Variants in ARHGEF28 observed in about 807,000 individuals in gnomAD.
ARHGEF28 encodes 190 kDa guanine nucleotide exchange factor.
ARHGEF28 carries 152 observed loss-of-function variants against 206.6 expected under a neutral mutation model. That is an observed-to-expected ratio of 0.74 (90% CI 0.64 to 0.84). ARHGEF28 has a LOEUF of 0.84. Ranked by LOEUF, ARHGEF28 falls within the 40% of genes least tolerant of loss-of-function variation. The pLI is 0.00. For missense variants in ARHGEF28, 2,028 were observed against 2,073.2 expected, an observed-to-expected ratio of 0.98 and a Z score of 0.42; for synonymous variants, 763 against 776.4, an observed-to-expected ratio of 0.98 and a Z score of 0.29.
intron 22 of ARHGEF28, among the ~76,000 whole-genome samples, chr5:73,881,073 C>G (rs1271766754): frequency 6.7e-6 from 1 of 149,994 alleles, no homozygotes; most frequent in Non-Finnish European, 1.5e-5. Context: ...TCCAATTGCT[C>G]CAGTGCCATT....
At chr5:73,752,862 C>A in intron 3 of ARHGEF28, 47 bp from the exon 4 acceptor site, 1 of 1,602,450 alleles carries the variant, frequency 6.2e-7, no homozygotes, top group South Asian at 1.1e-5. Flanking sequence ...CCTGTGAGAG[C>A]ATCTCCTACA....
chr5:73,641,865 C>T (rs1343235854), intron 1 of ARHGEF28, among the ~76,000 whole-genome samples: 1 of 152,132 alleles, frequency 6.6e-6, no homozygotes, highest in Non-Finnish European at 1.5e-5. Context: ...AGGATGATGG[C>T]CATTTATCGA....
At chr5:73,770,789 C>G (rs1403666779) in intron 4 of ARHGEF28, among the ~76,000 whole-genome samples, 1 of 152,244 alleles carries the variant, frequency 6.6e-6, no homozygotes, top group Non-Finnish European at 1.5e-5. Flanking sequence ...AGAAGATTCT[C>G]TCTTCCCCTG....
intron 4 of ARHGEF28, among the ~76,000 whole-genome samples, chr5:73,755,095 G>A (rs370466731): frequency 1.8e-4 from 27 of 151,416 alleles, no homozygotes; most frequent in East Asian, 1.4e-3. Flanking sequence ...ATACTTGATC[G>A]TCTGGAGATA....
At chr5:73,829,476 T>A (rs1757156014) in intron 9 of ARHGEF28, among the ~76,000 whole-genome samples, 1 of 151,978 alleles carries the variant, frequency 6.6e-6, no homozygotes, top group Non-Finnish European at 1.5e-5. Flanking sequence ...CATCTCTGGG[T>A]TCAAGCAATT....
chr5:73,937,781 G>A (rs1175337911), intron 35 of ARHGEF28, among the ~76,000 whole-genome samples: 1 of 152,032 alleles, frequency 6.6e-6, no homozygotes, highest in African/African-American at 2.4e-5. Context: ...TCAGTTTAGG[G>A]TTCTATATGA....
chr5:73,831,714 G>T (rs1561438344), intron 9 of ARHGEF28, among the ~76,000 whole-genome samples: 2 of 152,198 alleles, frequency 1.3e-5, no homozygotes, highest in Non-Finnish European at 2.9e-5. Flanking sequence ...GTTTTGAGAC[G>T]GAGTTTCACT....
chr5:73,894,645 A>C (rs1429209487), intron 29 of ARHGEF28, 70 bp downstream of exon 29: 2 of 1,526,438 alleles, frequency 1.3e-6, no homozygotes, highest in African/African-American at 2.7e-5. Flanking sequence ...GCTAAGTGCC[A>C]TGCACTGTGG....
intron 35 of ARHGEF28, among the ~76,000 whole-genome samples, chr5:73,914,831 C>T (rs531466129): frequency 1.3e-5 from 2 of 151,432 alleles, no homozygotes; most frequent in East Asian, 2.0e-4. Context: ...GCTCCATCCA[C>T]CTCCTGGACT....
intron 9 of ARHGEF28, among the ~76,000 whole-genome samples, chr5:73,823,077 CT>C (rs146671259): frequency 0.13 from 19,648 of 152,154 alleles, 1,324 homozygotes; most frequent in East Asian, 0.2. Flanking sequence ...TATGCAGCAG[CT>C]GGGCTTTGCT....
chr5:73,807,597 G>A (rs1755589444), intron 9 of ARHGEF28, among the ~76,000 whole-genome samples: 1 of 151,272 alleles, frequency 6.6e-6, no homozygotes, highest in Admixed American at 6.6e-5. Flanking sequence ...TGATTCTCCT[G>A]CCTCAGCCTC....
Position 73,810,301 on chromosome 5 carries a change from C to T in ARHGEF28, c.1024+14910C>T, listed in dbSNP as rs148697638. 4.2e-3 allele frequency among the ~76,000 whole-genome samples: 645 copies of T among 152,306 alleles called. 6 individuals are homozygous for T. Among genetic ancestry groups the T allele is most frequent in the African/African-American group, 0.014 (578 of 41,556 alleles). ...TCACATATGTCAGTTGGGTGTCTCA[C>T]ATGTATTGGTTAGGTCGTTCAATAC... On this transcript the variant is annotated intron_variant, in intron 9 of 35. Transcript: ENST00000513042.
At chr5:73,809,934 A>G (rs988502726) in intron 9 of ARHGEF28, among the ~76,000 whole-genome samples, 3 of 152,236 alleles carry the variant, frequency 2.0e-5, no homozygotes, top group Non-Finnish European at 2.9e-5. Context: ...TCAGCCAGTA[A>G]CAGTCACCTG....
chr5:73,752,803 G>A lies in ARHGEF28; in HGVS notation c.182-106G>A, dbSNP rs527651539. The A allele has an allele frequency of 6.2e-5, 81 of 1,296,166 alleles. No homozygotes were observed. The African/African-American group carries it at 1.0e-3, about 16-fold the overall frequency. 80.3% of individuals were successfully genotyped at this position (1,296,166 alleles called of 1,614,324 possible). Reference sequence around the variant, plus strand: ...GCTTTCCTTTCTGCTTTGTTCTCCTGGAGCGTGTTGTCTGCTTAAGCTATG... The same window carrying A: ...GCTTTCCTTTCTGCTTTGTTCTCCTAGAGCGTGTTGTCTGCTTAAGCTATG... On this transcript the variant is annotated intron_variant, in intron 3 of 35. Coordinates refer to ENST00000513042, the MANE Select transcript of ARHGEF28 (RefSeq NM_001177693.2).
intron 1 of ARHGEF28, chr5:73,627,161 C>G (rs564697290): frequency 1.3e-5 from 2 of 152,414 alleles, no homozygotes; most frequent in South Asian, 2.1e-4. Flanking sequence ...GGCCGAGGAA[C>G]AGTGGCAACA....
intron 10 of ARHGEF28, among the ~76,000 whole-genome samples, chr5:73,834,108 T>C (rs1363321515): frequency 6.6e-6 from 1 of 152,228 alleles, no homozygotes; most frequent in Non-Finnish European, 1.5e-5. Context: ...GAATACAATG[T>C]AATGTTTTGA....
At chr5:73,928,196 C>T (rs757794207) in intron 35 of ARHGEF28, among the ~76,000 whole-genome samples, 9 of 152,154 alleles carry the variant, frequency 5.9e-5, no homozygotes, top group Non-Finnish European at 1.3e-4. Flanking sequence ...AGGCCAGCAG[C>T]TCATTTGAGG....
chr5:73,830,836 C>CA (rs1193897879), intron 9 of ARHGEF28, among the ~76,000 whole-genome samples: 2 of 152,132 alleles, frequency 1.3e-5, no homozygotes, highest in Non-Finnish European at 2.9e-5. Flanking sequence ...GATTCACCCC[C>CA]ATGGGCTTAT....
At chr5:73,782,660 G>A (rs889964053) in intron 7 of ARHGEF28, among the ~76,000 whole-genome samples, 2 of 152,104 alleles carry the variant, frequency 1.3e-5, no homozygotes, top group Non-Finnish European at 2.9e-5. Flanking sequence ...TGGCTGTGTT[G>A]ACGGAGCCAC....
Sources: gnomAD v4.1 joint callset for allele counts (sites outside exome capture counted in the v4.1 genomes callset) on GRCh38, gnomAD v4.1.1 for gene constraint, MANE v1.5 for transcripts, NCBI Gene and HGNC (gene_info 2026-07-23, HGNC 2026-07-21) for gene names.